Variants in DGKK observed in about 807,000 individuals in gnomAD.
DGKK encodes 142 kDa diacylglycerol kinase.
A neutral mutation model predicts 92.2 loss-of-function variants in DGKK; 35 were observed. The ratio of observed to expected loss-of-function variants is 0.38; its 90% CI spans 0.29 to 0.50. DGKK has a LOEUF of 0.50. Among genes scored for constraint, DGKK ranks in the 20% least tolerant of loss-of-function variants. The probability of loss-of-function intolerance (pLI) is 0.92; values close to 1 mark genes in which losing one functional copy is unlikely to be tolerated. For synonymous variants in DGKK, 368 were observed against 360.6 expected (o/e 1.02, Z -0.23); for missense variants, 910 against 992.2 (o/e 0.92, Z 1.11).
At chrX:50,403,275 C>T (rs1042147296) in intron 6 of DGKK, 92 bp from the exon 7 acceptor site, 118 of 1,071,090 alleles carry the variant, frequency 1.1e-4, no homozygotes, top group Middle Eastern at 7.8e-4. Context: ...CCATGGAGGA[C>T]ATTAGGTAAA....
At chrX:50,404,528 C>A (rs112281787) in intron 4 of DGKK, among the ~76,000 whole-genome samples, 6,655 of 105,602 alleles carry the variant, frequency 0.063, 573 homozygotes, top group African/African-American at 0.22. Flanking sequence ...TCACTGCAAC[C>A]TCCGCCTCCC....
Position 50,386,546 on chromosome X carries a change from A to G in DGKK, c.2159T>C (p.Val720Ala). ...MYDRLSVLID[V>A]LAEEAAATSA... The stretch of plus-strand genomic sequence containing the variant: ...AGTAGCTGCTGCCTCCTCAGCCAGG[A>G]CATCGATCAGGACACTGAGCCTATC... The change falls in exon 15 of 28, where the codon GTC (valine) becomes GCC (alanine). Residue 720 changes from valine to alanine, a missense_variant. Coordinates refer to ENST00000611977, the MANE Select transcript of DGKK (RefSeq NM_001013742.4). 8.3e-7 allele frequency: 1 copy of G among 1,211,128 alleles called. No homozygotes were observed. Among genetic ancestry groups the G allele is most frequent in the Non-Finnish European group, 1.1e-6 (1 of 895,156 alleles).
chrX:50,451,851 G>A (rs2147148900), intron 1 of DGKK, among the ~76,000 whole-genome samples: 1 of 112,117 alleles, frequency 8.9e-6, no homozygotes, highest in African/African-American at 3.2e-5. Flanking sequence ...TGACTCTGAT[G>A]TTAAGATGCA....
At chrX:50,445,172 C>T (rs1485996211) in intron 1 of DGKK, among the ~76,000 whole-genome samples, 6 of 98,321 alleles carry the variant, frequency 6.1e-5, no homozygotes, top group African/African-American at 2.3e-4. Context: ...TTGTAGATGC[C>T]GGATATTAGA....
chrX:50,446,240 A>G (rs1557231850), intron 1 of DGKK, among the ~76,000 whole-genome samples: 2 of 111,045 alleles, frequency 1.8e-5, no homozygotes. Context: ...GGATGGTCTG[A>G]CTTCCTCTCT....
chrX:50,470,751 C>A lies in DGKK; in HGVS notation c.-73G>T. On this transcript the variant is annotated 5_prime_UTR_variant, in exon 1 of 28. Transcript: ENST00000611977. ...AAGGCTAAAGTACCCTCGGGCGCCC[C>A]GCCCACTCCAGTCCGGCAGCCCCTC... is the stretch of plus-strand genomic sequence containing the variant. The A allele has an allele frequency of 1.9e-6, 2 of 1,048,778 alleles. No homozygotes were observed. Among genetic ancestry groups the A allele is most frequent in the Non-Finnish European group, 1.2e-6 (1 of 808,275 alleles). 86.4% of individuals were successfully genotyped at this position (1,048,778 alleles called of 1,213,427 possible). A position where few individuals can be genotyped will look rare whatever the true frequency, so the allele number is the denominator to read the frequency against.
At chrX:50,425,234 T>C (rs1925705482) in intron 1 of DGKK, among the ~76,000 whole-genome samples, 1 of 111,821 alleles carries the variant, frequency 8.9e-6, no homozygotes, top group Non-Finnish European at 1.9e-5. Flanking sequence ...GCATTCACCA[T>C]TGGGTGGCTG....
intron 1 of DGKK, among the ~76,000 whole-genome samples, chrX:50,463,412 T>C (rs1926812696): frequency 9.8e-6 from 1 of 101,771 alleles, no homozygotes. Flanking sequence ...CCTTCCTCTG[T>C]CTCTCTCCCT....
At chrX:50,436,639 A>G (rs1184813482) in intron 1 of DGKK, among the ~76,000 whole-genome samples, 5 of 111,855 alleles carry the variant, frequency 4.5e-5, no homozygotes, top group Non-Finnish European at 9.4e-5. Flanking sequence ...TTTACACAGC[A>G]CTTTGTTGGT....
rs947707743 is a variant in DGKK at position 50,370,662 on chromosome X, G to T, written c.3613-113C>A. 3.1e-5 allele frequency: 26 copies of T among 852,369 alleles called. No individual in the cohort carries two copies. In the African/African-American group the frequency reaches 5.1e-4, roughly 17 times the overall value. The allele number at this position is 852,369 out of a possible 1,213,427, so 70.2% of individuals were successfully genotyped here. On this transcript the variant is annotated intron_variant, in intron 26 of 27. Transcript: ENST00000611977. ...ATGGCTACAGAGAACAGGGAGATCTGCTCTCTATCCAGGTATGAGAAACAC... is the reference window on the plus strand; with the variant it reads ...ATGGCTACAGAGAACAGGGAGATCTTCTCTCTATCCAGGTATGAGAAACAC...
chrX:50,389,122 A>G (rs1367036499), intron 12 of DGKK, among the ~76,000 whole-genome samples: 2 of 111,940 alleles, frequency 1.8e-5, no homozygotes, highest in Non-Finnish European at 3.8e-5. Context: ...TCCATTTCAC[A>G]GAAGAGAAAG....
chrX:50,421,022 G>A (rs782410707), intron 3 of DGKK, among the ~76,000 whole-genome samples: 13 of 111,967 alleles, frequency 1.2e-4, no homozygotes, highest in Middle Eastern at 4.6e-3. Flanking sequence ...CTGTCTACTT[G>A]AAGTGGTAAA....
intron 18 of DGKK, among the ~76,000 whole-genome samples, chrX:50,381,239 G>A (rs1279904604): frequency 5.4e-5 from 6 of 111,587 alleles, no homozygotes; most frequent in Admixed American, 9.5e-5. Context: ...AAGCTGAGGC[G>A]GGCGGATTGC....
At chrX:50,454,633 C>T (rs781964945) in intron 1 of DGKK, among the ~76,000 whole-genome samples, 30 of 111,552 alleles carry the variant, frequency 2.7e-4, no homozygotes, top group African/African-American at 9.4e-4. Flanking sequence ...TTGCTGCTTC[C>T]AGGTATTTGT....
chrX:50,447,380 TA>T (rs1926370064), intron 1 of DGKK, among the ~76,000 whole-genome samples: 4 of 13,997 alleles, frequency 2.9e-4, no homozygotes, highest in African/African-American at 8.4e-4. Context: ...TATATATATA[TA>T]TAATATATAT....
rs781978930 is a variant in DGKK at position 50,378,606 on chromosome X, A to T, written c.2948T>A (p.Ile983Asn). Residue 983 changes from isoleucine to asparagine, a missense_variant, in exon 21 of 28, where the codon ATC becomes AAC. Ile to Asn is a moderately radical substitution (Grantham distance 149). Coordinates refer to ENST00000611977, the MANE Select transcript of DGKK (RefSeq NM_001013742.4). ...GSVQMAMSRIINLHHHRIAQC... is the reference protein window; with the variant it reads ...GSVQMAMSRINNLHHHRIAQC... The stretch of plus-strand genomic sequence containing the variant: ...GGCAATGCGATGATGATGCAGGTTG[A>T]TGATACGGGACATTGCCATCTGCAC... 2 of 1,207,358 alleles carry T rather than the reference A, an allele frequency of 1.7e-6. No homozygotes were observed. The highest frequency in any genetic ancestry group is 3.5e-5 in the African/African-American group (2 of 57,083).
chrX:50,382,098 CAAAT>C (rs1209704314), intron 18 of DGKK, among the ~76,000 whole-genome samples: 5 of 112,183 alleles, frequency 4.5e-5, no homozygotes, highest in East Asian at 2.8e-4. Context: ...ACACCAAAAA[CAAAT>C]AGAGGGATGT....
intron 1 of DGKK, among the ~76,000 whole-genome samples, chrX:50,456,606 A>G (rs1926617188): frequency 8.9e-6 from 1 of 112,194 alleles, no homozygotes; most frequent in Admixed American, 9.4e-5. Flanking sequence ...TAGTGTTATT[A>G]TGTAGTATTT....
At chrX:50,373,427 T>G (rs1205209848) in intron 25 of DGKK, among the ~76,000 whole-genome samples, 1 of 111,940 alleles carries the variant, frequency 8.9e-6, no homozygotes, top group Non-Finnish European at 1.9e-5. Flanking sequence ...TGGGCTCAAG[T>G]TGGGTTGTTG....
Sources: gnomAD v4.1 joint callset for allele counts (sites outside exome capture counted in the v4.1 genomes callset) on GRCh38, gnomAD v4.1.1 for gene constraint, MANE v1.5 for transcripts, NCBI Gene and HGNC (gene_info 2026-07-23, HGNC 2026-07-21) for gene names.